DHCR24: variants seen among roughly 807,000 people sequenced by gnomAD.
DHCR24 encodes delta(24)-sterol reductase.
Under a neutral mutation model 61.2 loss-of-function variants are expected in DHCR24, and 28 were observed. That is an observed-to-expected ratio of 0.46 (90% CI 0.34 to 0.63). The LOEUF is 0.63. Among genes scored for constraint, DHCR24 ranks in the 20% least tolerant of loss-of-function variants. DHCR24 has a pLI of 0.01. For synonymous variants in DHCR24, 261 were observed against 275.9 expected (o/e 0.95, Z 0.54); for missense variants, 538 against 679.1 (o/e 0.79, Z 2.31).
intron 5 of DHCR24, among the ~76,000 whole-genome samples, chr1:54,868,351 T>G (rs964469523): frequency 6.6e-6 from 1 of 151,908 alleles, no homozygotes; most frequent in Non-Finnish European, 1.5e-5. Flanking sequence ...GCGCCTGTAG[T>G]CCCAGCTACT....
intron 2 of DHCR24, among the ~76,000 whole-genome samples, chr1:54,878,698 G>T (rs1253902783): frequency 6.6e-6 from 1 of 151,854 alleles, no homozygotes; most frequent in Non-Finnish European, 1.5e-5. Flanking sequence ...TACTTCCCTG[G>T]CCCCATCTAA....
At chr1:54,860,819 G>A (rs937268552) in intron 6 of DHCR24, among the ~76,000 whole-genome samples, 3 of 151,724 alleles carry the variant, frequency 2.0e-5, no homozygotes, top group East Asian at 1.9e-4. Context: ...CCCCGTCTCT[G>A]CTAAAAATAC....
chr1:54,854,105 C>T lies in DHCR24; in HGVS notation c.1150G>A (p.Val384Met). Residue 384 changes from valine (V) to methionine (M), a missense_variant, in exon 7 of 9, where the codon GTG (valine) becomes ATG (methionine). Val to Met is a conservative substitution (Grantham distance 21). Coordinates refer to ENST00000371269, the MANE Select transcript of DHCR24 (RefSeq NM_014762.4). Reference protein sequence around the residue: ...LRKLYEQHHVVQDMLVPMKCL... With the variant: ...LRKLYEQHHVMQDMLVPMKCL... The stretch of plus-strand genomic sequence containing the variant: ...TTCATGGGCACCAGCATGTCCTGCA[C>T]CACGTGGTGCTGCTCGTACAGCTTG... 1 of 1,614,114 alleles carries T rather than the reference C, an allele frequency of 6.2e-7. No homozygotes were observed. Among genetic ancestry groups the T allele is most frequent in the Non-Finnish European group, 8.5e-7 (1 of 1,179,992 alleles).
Position 54,853,442 on chromosome 1 carries a change from G to A in DHCR24, c.1389C>T (p.Ser463=), listed in dbSNP as rs749510662. The part of the protein sequence containing the change: ...CMRQLEKFVR[S]VHGFQMLYAD... ...TACTCTGGGCCACTCACCCATGCAC[G>A]CTGCGGACAAACTTCTCCAGCTGCC... is the stretch of plus-strand genomic sequence containing the variant. Residue 463 remains serine (S), a synonymous_variant, in exon 8 of 9, where the codon AGC becomes AGT. Coordinates refer to ENST00000371269, the MANE Select transcript of DHCR24 (RefSeq NM_014762.4). 8.1e-6 allele frequency: 13 copies of A among 1,614,038 alleles called. No homozygotes were observed. In the East Asian group the frequency reaches 8.9e-5, roughly 11 times the overall value.
At chr1:54,873,829 T>C (rs1232892520) in intron 4 of DHCR24, among the ~76,000 whole-genome samples, 2 of 152,204 alleles carry the variant, frequency 1.3e-5, no homozygotes, top group Admixed American at 1.3e-4. Context: ...TTTGTATTGT[T>C]TGTAGACCAT....
intron 7 of DHCR24, 103 bp downstream of exon 7, chr1:54,853,934 C>G: frequency 8.2e-7 from 1 of 1,214,058 alleles, no homozygotes; most frequent in South Asian, 1.3e-5. Context: ...GGGAAAACAC[C>G]CAGAGGGCAG....
chr1:54,877,097 T>C (rs766980570), intron 2 of DHCR24, among the ~76,000 whole-genome samples: 2 of 151,862 alleles, frequency 1.3e-5, no homozygotes, highest in Admixed American at 1.3e-4. Context: ...TCTATCTCAG[T>C]GAGCAGAGGG....
chr1:54,853,151 G>A (rs989064410), intron 8 of DHCR24, among the ~76,000 whole-genome samples: 1 of 151,164 alleles, frequency 6.6e-6, no homozygotes, highest in African/African-American at 2.4e-5. Context: ...GGGGAGGAGT[G>A]GGGTGACTCC....
At chr1:54,874,442 T>C (rs534226306) in intron 4 of DHCR24, among the ~76,000 whole-genome samples, 6 of 152,358 alleles carry the variant, frequency 3.9e-5, no homozygotes, top group African/African-American at 1.4e-4. Flanking sequence ...GCCTACAGTA[T>C]TGAGCACAGT....
intron 4 of DHCR24, among the ~76,000 whole-genome samples, chr1:54,874,236 T>C (rs1410895979): frequency 6.6e-6 from 1 of 152,228 alleles, no homozygotes; most frequent in Non-Finnish European, 1.5e-5. Context: ...TACAGTGGTG[T>C]ACAGTAATGT....
intron 5 of DHCR24, among the ~76,000 whole-genome samples, chr1:54,869,969 C>T (rs533632080): frequency 3.3e-5 from 5 of 151,618 alleles, no homozygotes; most frequent in East Asian, 3.9e-4. Context: ...GCATGAGAAT[C>T]GTGTGAACCT....
chr1:54,880,035 C>T (rs767014128), intron 2 of DHCR24, among the ~76,000 whole-genome samples: 12 of 151,940 alleles, frequency 7.9e-5, no homozygotes, highest in Non-Finnish European at 1.3e-4. Flanking sequence ...AACACACACA[C>T]ACAAAGGGAA....
At chr1:54,853,052 C>T (rs1398115721) in intron 8 of DHCR24, among the ~76,000 whole-genome samples, 1 of 152,162 alleles carries the variant, frequency 6.6e-6, no homozygotes, top group African/African-American at 2.4e-5. Context: ...TTTTCATAGA[C>T]AGGAATCCCT....
chr1:54,861,244 C>T (rs1646936759), intron 6 of DHCR24, among the ~76,000 whole-genome samples: 1 of 152,182 alleles, frequency 6.6e-6, no homozygotes, highest in African/African-American at 2.4e-5. Context: ...TTTACTGGGG[C>T]CAGTCATCCC....
At position 54,869,774 on chromosome 1, in the gene DHCR24, G is replaced by A. The variant is rs115054131; in HGVS notation, c.876+1576C>T. Reference sequence around the variant, plus strand: ...TAAAAATTAAAAAATTAACCAGGCCGGGCACAGTGGCTCGCACCTGTAATC... The same window carrying A: ...TAAAAATTAAAAAATTAACCAGGCCAGGCACAGTGGCTCGCACCTGTAATC... On this transcript the variant is annotated intron_variant, in intron 5 of 8. Transcript: ENST00000371269. Among the ~76,000 whole-genome samples the A allele has an allele frequency of 9.4e-3, 1,423 of 152,090 alleles. 20 individuals are homozygous for A. Among genetic ancestry groups the A allele is most frequent in the African/African-American group, 0.031 (1,303 of 41,482 alleles).
intron 2 of DHCR24, among the ~76,000 whole-genome samples, chr1:54,878,247 T>C (rs1216353565): frequency 6.6e-6 from 1 of 151,832 alleles, no homozygotes; most frequent in Non-Finnish European, 1.5e-5. Context: ...GGCTCATGCC[T>C]ATAATCCCAG....
intron 5 of DHCR24, among the ~76,000 whole-genome samples, chr1:54,868,252 C>T (rs935763376): frequency 2.0e-5 from 3 of 152,240 alleles, no homozygotes; most frequent in Non-Finnish European, 2.9e-5. Context: ...GGGTGGATCA[C>T]GAGGTCAGGA....
At chr1:54,868,573 G>A (rs1487814159) in intron 5 of DHCR24, among the ~76,000 whole-genome samples, 2 of 152,154 alleles carry the variant, frequency 1.3e-5, no homozygotes, top group Non-Finnish European at 2.9e-5. Context: ...TTCCAACTAT[G>A]GGCAGCAATA....
In DHCR24 at chr1:54,852,367, C is replaced by T. The variant is rs939062254; in HGVS notation, c.1417G>A (p.Asp473Asn). 5.6e-6 allele frequency: 9 copies of T among 1,613,950 alleles called. No homozygotes were observed. Among genetic ancestry groups the T allele is most frequent in the African/African-American group, 1.3e-5 (1 of 74,934 alleles). The change falls in exon 9 of 9, where the codon GAC becomes AAC. Residue 473 changes from aspartate to asparagine, a missense_variant. Coordinates refer to ENST00000371269, the MANE Select transcript of DHCR24 (RefSeq NM_014762.4). ...AACTCCTCCCGGTTCATGTAGCAGT[C>T]GGCATACAGCATCTGGAAGCTGCAG... ...SVHGFQMLYA[D>N]CYMNREEFWE... is the part of the protein sequence containing the mutation.
Sources: gnomAD v4.1 joint callset for allele counts (sites outside exome capture counted in the v4.1 genomes callset) on GRCh38, gnomAD v4.1.1 for gene constraint, MANE v1.5 for transcripts, NCBI Gene and HGNC (gene_info 2026-07-23, HGNC 2026-07-21) for gene names.